Variants in ODF2 observed in about 807,000 individuals in gnomAD.
The protein encoded by ODF2 is outer dense fiber of sperm tails 2, also known as outer dense fiber protein 2.
In ODF2, 47 loss-of-function variants were observed where a neutral mutation model predicts 110.2. The ratio of observed to expected loss-of-function variants is 0.43; its 90% confidence interval spans 0.34 to 0.54. The LOEUF (loss-of-function observed/expected upper bound fraction) is 0.54. Among genes scored for constraint, ODF2 ranks in the 20% least tolerant of loss-of-function variants. ODF2 has a pLI of 0.03. For missense variants in ODF2, 812 were observed against 1,054.5 expected (o/e 0.77, Z 3.19); for synonymous variants, 352 against 397.7 (o/e 0.89, Z 1.37).
Position 128,492,663 on chromosome 9 carries a change from C to G in ODF2, c.1648-38C>G, listed in dbSNP as rs754401424. 4 of 1,590,594 alleles carry G rather than the reference C, an allele frequency of 2.5e-6. No homozygotes were observed. The South Asian group carries it at 4.4e-5, about 18-fold the overall frequency. ...GAAGATGGTTTTCATCAAAACGTGGCTCTACCTAAGATGAACCACAGTGTT... is the reference window on the plus strand; with the variant it reads ...GAAGATGGTTTTCATCAAAACGTGGGTCTACCTAAGATGAACCACAGTGTT... On this transcript the variant is annotated intron_variant, in intron 15 of 20. Coordinates refer to ENST00000604420, the Ensembl canonical transcript of ODF2.
At chr9:128,464,895 G>A (rs80205222) in intron 4 of ODF2, among the ~76,000 whole-genome samples, 27 of 786 alleles carry the variant, frequency 0.034, no homozygotes, top group South Asian at 0.091. Flanking sequence ...GGGTTTCACC[G>A]TTTTAGCCGG....
intron 6 of ODF2, among the ~76,000 whole-genome samples, chr9:128,472,152 C>T (rs1030632337): frequency 6.6e-6 from 1 of 152,048 alleles, no homozygotes; most frequent in African/African-American, 2.4e-5. Flanking sequence ...TCGCGGCGGG[C>T]GCCTATAATC....
chr9:128,475,577 C>A (rs1841084845), intron 8 of ODF2, among the ~76,000 whole-genome samples: 1 of 152,094 alleles, frequency 6.6e-6, no homozygotes, highest in South Asian at 2.1e-4. Flanking sequence ...ATATCCTTGA[C>A]CAATATTTCC....
At chr9:128,501,113 T>C (rs1846386632), downstream of ODF2, 2 of 152,162 alleles carry the variant, frequency 1.3e-5, no homozygotes. Context: ...TTAGCTCAGG[T>C]TGGTGCTTTC....
intron 18 of ODF2, chr9:128,496,343 A>G (rs1181829977): frequency 1.4e-6 from 2 of 1,432,060 alleles, no homozygotes; most frequent in East Asian, 3.1e-5. Flanking sequence ...GCCTGGGGAG[A>G]CACTCCATGA....
chr9:128,460,869 AGAG>A, intron 3 of ODF2, 70 bp from the exon 4 acceptor site: 1 of 1,601,402 alleles, frequency 6.2e-7, no homozygotes, highest in Non-Finnish European at 8.6e-7. Context: ...TGCTAGTCGG[AGAG>A]GGATGTCACT....
chr9:128,486,178 C>T (rs2132073948), intron 13 of ODF2, among the ~76,000 whole-genome samples: 1 of 152,274 alleles, frequency 6.6e-6, no homozygotes, highest in Middle Eastern at 3.4e-3. Flanking sequence ...CATGGACTCC[C>T]TGGACTAAGG....
chr9:128,484,801 T>C, exon 12 of ODF2: 1 of 1,613,366 alleles, frequency 6.2e-7, no homozygotes, highest in Non-Finnish European at 8.5e-7. Flanking sequence ...AAAGAGAGCT[T>C]GAAGAAGGCC....
chr9:128,491,779 A>T (rs1266256125), intron 14 of ODF2, among the ~76,000 whole-genome samples: 1 of 152,128 alleles, frequency 6.6e-6, no homozygotes, highest in Non-Finnish European at 1.5e-5. Flanking sequence ...TTTGACAGAA[A>T]CGAAAAAGTT....
At position 128,500,238 on chromosome 9, in the gene ODF2, C is replaced by T. The variant is rs374034663; in HGVS notation, c.2473C>T (p.Arg825Ter). ...CCTGACTAGCTCTCCCATCCGCTCCCGATCTCCTCCTGCCTGAGGCCACTT... is the reference window on the plus strand; with the variant it reads ...CCTGACTAGCTCTCCCATCCGCTCCTGATCTCCTCCTGCCTGAGGCCACTT... Residue 825 changes from arginine to a stop codon, truncating the protein, a stop_gained, in exon 21 of 21, where the codon CGA becomes TGA. Transcript: ENST00000604420. LOFTEE classifies it high-confidence loss of function. 2.7e-5 allele frequency: 44 copies of T among 1,614,086 alleles called. No homozygotes were observed. The highest frequency in any genetic ancestry group is 3.3e-5 in the South Asian group (3 of 91,090).
intron 8 of ODF2, among the ~76,000 whole-genome samples, chr9:128,474,822 G>C (rs1176433648): frequency 1.3e-5 from 2 of 151,792 alleles, no homozygotes; most frequent in Non-Finnish European, 2.9e-5. Context: ...AAATGAGCCT[G>C]GCCTGGTGGC....
At chr9:128,464,996 C>T (rs1837481157) in intron 4 of ODF2, among the ~76,000 whole-genome samples, 1 of 152,090 alleles carries the variant, frequency 6.6e-6, no homozygotes, top group South Asian at 2.1e-4. Context: ...TGCCTGGCCT[C>T]CTTGGTAGTT....
chr9:128,487,679 CG>C (rs1319686271), intron 13 of ODF2, among the ~76,000 whole-genome samples: 1 of 151,912 alleles, frequency 6.6e-6, no homozygotes, highest in Non-Finnish European at 1.5e-5. Context: ...CCCAGCTACT[CG>C]GGAGGCTGAG....
In ODF2 at chr9:128,462,175, C is replaced by T. The variant is rs188945472; in HGVS notation, c.249+1108C>T. On this transcript the variant is annotated intron_variant, in intron 4 of 20. Transcript: ENST00000604420. ...TTTTTTTTTTTCCGAAATGGAGTTT[C>T]GCTCTTGTTGCCCTTGCCCAGGCTG... Among the ~76,000 whole-genome samples the T allele has an allele frequency of 8.7e-4, 130 of 149,048 alleles. 3 individuals are homozygous for T. In the East Asian group the frequency reaches 0.022, roughly 26 times the overall value.
chr9:128,473,090 G>A, intron 7 of ODF2, 48 bp downstream of exon 7: 1 of 1,611,640 alleles, frequency 6.2e-7, no homozygotes, highest in East Asian at 2.2e-5. Context: ...GCCTCGGGAG[G>A]GGGCAGCTGC....
At position 128,492,809 on chromosome 9, in the gene ODF2, C is replaced by G. The variant is rs199587561; in HGVS notation, c.1752+4C>G. 6.2e-7 allele frequency: 1 copy of G among 1,609,692 alleles called. No homozygotes were observed. The highest frequency in any genetic ancestry group is 1.3e-5 in the African/African-American group (1 of 74,948). On this transcript the variant is annotated splice_donor_region_variant and intron_variant, in intron 16 of 20. Coordinates refer to ENST00000604420, the Ensembl canonical transcript of ODF2. Reference sequence around the variant, plus strand: ...GATGAACAAAGAGATTGAGGCGGTACTGCTTTCCTTCCTTGTTTTCTTCTC... The same window carrying G: ...GATGAACAAAGAGATTGAGGCGGTAGTGCTTTCCTTCCTTGTTTTCTTCTC...
At chr9:128,456,027 T>G, upstream of ODF2, 1 of 1,443,832 alleles carries the variant, frequency 6.9e-7, no homozygotes, top group South Asian at 1.4e-5. Flanking sequence ...GGCATCTCTG[T>G]GACGCTAGGG....
chr9:128,457,541 C>A, intron 2 of ODF2: 2 of 1,399,356 alleles, frequency 1.4e-6, no homozygotes, highest in East Asian at 2.4e-5. Flanking sequence ...ATTGTGTTTG[C>A]TGAAAGTCTG....
intron 4 of ODF2, among the ~76,000 whole-genome samples, chr9:128,466,638 C>G (rs1385136837): frequency 7.7e-6 from 1 of 129,456 alleles, no homozygotes; most frequent in African/African-American, 3.5e-5. Flanking sequence ...AGTAGTCACA[C>G]TTTCCCATAT....
Sources: allele counts gnomAD v4.1 joint callset (sites outside exome capture counted in the v4.1 genomes callset), GRCh38; gene constraint gnomAD v4.1.1; transcripts MANE v1.5; gene names NCBI Gene and HGNC (gene_info 2026-07-23, HGNC 2026-07-21).